Variants in CPS1 observed in about 807,000 individuals in gnomAD.
CPS1 encodes the protein carbamoyl-phosphate synthase 1, also known as carbamoyl-phosphate synthase [ammonia], mitochondrial.
A neutral mutation model predicts 174.6 loss-of-function variants in CPS1; 109 were observed. The ratio of observed to expected loss-of-function variants is 0.62; its 90% confidence interval spans 0.53 to 0.73. CPS1 has a LOEUF of 0.73. Among genes scored for constraint, CPS1 ranks in the 30% least tolerant of loss-of-function variants. CPS1 has a pLI of 0.00. For missense variants in CPS1, 1,689 were observed against 1,821.9 expected, an observed-to-expected ratio of 0.93 and a Z score of 1.33; for synonymous variants, 637 against 632.0, an observed-to-expected ratio of 1.01 and a Z score of -0.12.
At chr2:210,562,186 A>G (rs1697124307) in intron 1 of CPS1, among the ~76,000 whole-genome samples, 1 of 152,220 alleles carries the variant, frequency 6.6e-6, no homozygotes, top group Non-Finnish European at 1.5e-5. Flanking sequence ...TAGAATAAAA[A>G]TGATTCATAA....
At chr2:210,567,152 C>T (rs143275693) in intron 1 of CPS1, among the ~76,000 whole-genome samples, 159 of 152,106 alleles carry the variant, frequency 1.0e-3, no homozygotes, top group South Asian at 6.2e-3. Context: ...GAAGTGTTAA[C>T]GCTTTACTTT....
At chr2:210,554,237 ATG>A (rs1559073557), upstream of CPS1, among the ~76,000 whole-genome samples, 3 of 147,258 alleles carry the variant, frequency 2.0e-5, no homozygotes, top group Non-Finnish European at 4.5e-5. Flanking sequence ...ATATATATGT[ATG>A]TATATATATA....
chr2:210,673,881 G>A (rs940411611), intron 34 of CPS1: 1 of 151,896 alleles, frequency 6.6e-6, no homozygotes, highest in Non-Finnish European at 1.5e-5. Flanking sequence ...GTTTAATAAG[G>A]TGTGGAGCCT....
Position 210,667,304 on chromosome 2 carries a change from C to A in CPS1, c.4003-882C>A, listed in dbSNP as rs575565413. Among the ~76,000 whole-genome samples, 47 of 152,162 alleles carry A rather than the reference C, an allele frequency of 3.1e-4. 1 individual carries two copies. In the Middle Eastern group the frequency reaches 0.014, roughly 44 times the overall value. ...ACAATTTGACTTCCTCTTTTCCTAA[C>A]TGAATACTCTTTATTTCCTTCTCCT... On this transcript the variant is annotated intron_variant, in intron 33 of 37. Coordinates refer to ENST00000233072, the MANE Select transcript of CPS1 (RefSeq NM_001875.5).
At chr2:210,550,192 C>A (rs1559071722) in intron 1 of CPS1, among the ~76,000 whole-genome samples, 1 of 151,910 alleles carries the variant, frequency 6.6e-6, no homozygotes. Context: ...TCTTCTGTCT[C>A]ATTGTTCAGT....
intron 30 of CPS1, chr2:210,658,174 T>G: frequency 4.4e-6 from 1 of 229,088 alleles, no homozygotes; most frequent in South Asian, 6.3e-5. Flanking sequence ...ACAAAAGAAA[T>G]CTCTCTGGTT....
chr2:210,557,861 G>C (rs916800246), intron 1 of CPS1, among the ~76,000 whole-genome samples: 2 of 151,980 alleles, frequency 1.3e-5, no homozygotes, highest in Non-Finnish European at 2.9e-5. Context: ...TGTTTCAGTT[G>C]CTCAAGTCAG....
chr2:210,583,514 G>A (rs914641621), intron 6 of CPS1, among the ~76,000 whole-genome samples: 2 of 152,120 alleles, frequency 1.3e-5, no homozygotes, highest in African/African-American at 2.4e-5. Flanking sequence ...AGAAATGTGA[G>A]TCCTGTTTTG....
intron 26 of CPS1, 38 bp downstream of exon 26, chr2:210,648,095 T>C: frequency 6.2e-7 from 1 of 1,600,924 alleles, no homozygotes; most frequent in Non-Finnish European, 8.6e-7. Flanking sequence ...TAATGTTCTA[T>C]TTTGAAGAGC....
rs1189535504 is a variant in CPS1, at chr2:210,556,752, G to C, written c.19G>C (p.Ala7Pro). The C allele has an allele frequency of 1.2e-6, 2 of 1,612,822 alleles. No homozygotes were observed. Among genetic ancestry groups the C allele is most frequent in the Non-Finnish European group, 8.5e-7 (1 of 1,179,188 alleles). Residue 7 changes from alanine (A) to proline (P), a missense_variant, in exon 1 of 38, where the codon GCT (alanine) becomes CCT (proline). Transcript: ENST00000233072. Reference protein sequence around the residue: MTRILTAFKVVRTLKTG... With the variant: MTRILTPFKVVRTLKTG... The stretch of plus-strand genomic sequence containing the variant: ...CATCAAAATGACGAGGATTTTGACA[G>C]CTTTCAAAGTGGTGAGGACACTGAA...
chr2:210,554,178 TATATAC>T (rs1696820454), upstream of CPS1, among the ~76,000 whole-genome samples: 1 of 121,700 alleles, frequency 8.2e-6, no homozygotes, highest in East Asian at 2.3e-4. Flanking sequence ...TATGTATGTA[TATATAC>T]ACACACACAT....
intron 1 of CPS1, among the ~76,000 whole-genome samples, chr2:210,511,271 C>T (rs919221619): frequency 6.6e-6 from 1 of 151,640 alleles, no homozygotes; most frequent in Non-Finnish European, 1.5e-5. Flanking sequence ...CTCAGCAAAC[C>T]ATCGCAAGGA....
intron 5 of CPS1, among the ~76,000 whole-genome samples, chr2:210,581,385 G>A (rs147856663): frequency 2.2e-3 from 334 of 152,192 alleles, no homozygotes; most frequent in African/African-American, 7.5e-3. Flanking sequence ...GAATAGATTG[G>A]CACAGACAAA....
chr2:210,613,330 T>A (rs184787028), intron 20 of CPS1, among the ~76,000 whole-genome samples: 1 of 152,110 alleles, frequency 6.6e-6, no homozygotes, highest in East Asian at 1.9e-4. Context: ...CTCCTCGCTC[T>A]TATGGTTTCT....
chr2:210,660,666 C>T lies in CPS1; in HGVS notation c.3927+11C>T. The T allele has an allele frequency of 1.2e-6, 2 of 1,612,048 alleles. No homozygotes were observed. The highest frequency in any genetic ancestry group is 1.7e-5 in the Admixed American group (1 of 59,994). ...TATGTTGCAATTAAGGTAACATTTT[C>T]AAAAATTTATTAGTCATTTTATGAG... On this transcript the variant is annotated intron_variant, in intron 32 of 37. Coordinates refer to ENST00000233072, the MANE Select transcript of CPS1 (RefSeq NM_001875.5).
chr2:210,661,728 T>A (rs1393566569), intron 32 of CPS1, among the ~76,000 whole-genome samples: 1 of 151,836 alleles, frequency 6.6e-6, no homozygotes, highest in Non-Finnish European at 1.5e-5. Flanking sequence ...AATAGAGAAA[T>A]TTTTTTTGAG....
intron 21 of CPS1, among the ~76,000 whole-genome samples, chr2:210,630,263 TATC>T (rs1449975343): frequency 6.6e-6 from 1 of 152,124 alleles, no homozygotes; most frequent in African/African-American, 2.4e-5. Context: ...TTAAGAGTAA[TATC>T]ATGATATTTC....
rs1041726098 is a variant in CPS1 at position 210,578,524 on chromosome 2, G to C, written c.471+1014G>C. On this transcript the variant is annotated intron_variant, in intron 4 of 37. Coordinates refer to ENST00000233072, the MANE Select transcript of CPS1 (RefSeq NM_001875.5). ...CTTCATCTCCAGTGTTGCTGTAGCT[G>C]CTTTTTGTTCAACTGCTGGGCCTGT... Among the ~76,000 whole-genome samples, 66 of 152,282 alleles carry C rather than the reference G, an allele frequency of 4.3e-4. 1 individual carries two copies. The highest frequency in any genetic ancestry group is 4.0e-3 in the Admixed American group (61 of 15,294).
chr2:210,494,578 C>T (rs1340586868), intron 1 of CPS1, among the ~76,000 whole-genome samples: 1 of 152,164 alleles, frequency 6.6e-6, no homozygotes, highest in East Asian at 1.9e-4. Context: ...AAGGCAAACA[C>T]CTATCCTGTG....
Sources: allele counts gnomAD v4.1 joint callset (sites outside exome capture counted in the v4.1 genomes callset), GRCh38; gene constraint gnomAD v4.1.1; transcripts MANE v1.5; gene names NCBI Gene and HGNC (gene_info 2026-07-23, HGNC 2026-07-21).